BFSP2: variants seen among roughly 807,000 people sequenced by gnomAD.
The protein encoded by BFSP2 is phakinin.
Under a neutral mutation model 44.9 loss-of-function variants are expected in BFSP2, and 38 were observed. The observed-to-expected ratio is 0.85, with a 90% CI of 0.65 to 1.11. BFSP2 has a LOEUF of 1.11. BFSP2 is among the 50% of genes least tolerant of loss of function. The pLI, the probability that BFSP2 is intolerant of heterozygous loss-of-function variation, is 0.00. For synonymous variants in BFSP2, 197 were observed against 209.9 expected (o/e 0.94, Z 0.53); for missense variants, 525 against 533.0 (o/e 0.99, Z 0.15).
intron 2 of BFSP2, among the ~76,000 whole-genome samples, chr3:133,447,683 C>A (rs1261257013): frequency 2.0e-5 from 3 of 152,178 alleles, no homozygotes; most frequent in Admixed American, 2.0e-4. Flanking sequence ...GATTGCTGCG[C>A]CCCACCCTGT....
chr3:133,429,913 A>C, intron 1 of BFSP2, among the ~76,000 whole-genome samples: 1 of 149,652 alleles, frequency 6.7e-6, no homozygotes, highest in East Asian at 1.9e-4. Context: ...CACTACCCCC[A>C]CCCCACAACA....
chr3:133,402,643 C>CTT (rs1316696114), intron 1 of BFSP2, among the ~76,000 whole-genome samples: 25 of 140,486 alleles, frequency 1.8e-4, no homozygotes, highest in African/African-American at 3.1e-4. Flanking sequence ...GTTATTATTT[C>CTT]TTTTTTTTTT....
chr3:133,462,822 A>G (rs2074076167), intron 4 of BFSP2, among the ~76,000 whole-genome samples: 2 of 152,210 alleles, frequency 1.3e-5, no homozygotes, highest in South Asian at 4.1e-4. Flanking sequence ...AAATCAGACT[A>G]CAAAAAATGC....
intron 4 of BFSP2, among the ~76,000 whole-genome samples, chr3:133,465,005 T>TTC (rs2074097302): frequency 6.6e-6 from 1 of 150,616 alleles, no homozygotes; most frequent in Non-Finnish European, 1.5e-5. Flanking sequence ...GGGTTTCTTT[T>TTC]TTTTTTTTTT....
intron 4 of BFSP2, among the ~76,000 whole-genome samples, chr3:133,459,647 T>C (rs949180289): frequency 2.6e-5 from 4 of 152,230 alleles, no homozygotes; most frequent in Admixed American, 2.6e-4. Flanking sequence ...TGCACTTCTT[T>C]TTAATCCCCG....
chr3:133,400,206 C>T lies in BFSP2; in HGVS notation c.123C>T (p.Ala41=), dbSNP rs2073349974. The change falls in exon 1 of 7, where the codon GCC becomes GCT. Residue 41 remains alanine (A), a synonymous_variant. Coordinates refer to ENST00000302334, the MANE Select transcript of BFSP2 (RefSeq NM_003571.4). The surrounding 1 kb of genome is among the most constrained non-coding windows in gnomAD (Gnocchi z 4.0). ...CATCCTCCCTGGAGAGCCCCCCAGC[C>T]TCCAGGACCAATGCCATGAGTGGCC... is the stretch of plus-strand genomic sequence containing the variant. ...RSSSSLESPP[A]SRTNAMSGLV... 1 of 1,614,086 alleles carries T rather than the reference C, an allele frequency of 6.2e-7. No individual in the cohort carries two copies. Among genetic ancestry groups the T allele is most frequent in the Non-Finnish European group, 8.5e-7 (1 of 1,180,010 alleles).
intron 1 of BFSP2, among the ~76,000 whole-genome samples, chr3:133,402,491 T>C (rs1218994248): frequency 2.0e-5 from 3 of 152,140 alleles, no homozygotes; most frequent in Non-Finnish European, 4.4e-5. Context: ...ACCTCTGTAG[T>C]TGAGGGTCAG....
At chr3:133,447,021 G>A (rs1214302434) in intron 1 of BFSP2, among the ~76,000 whole-genome samples, 1 of 152,064 alleles carries the variant, frequency 6.6e-6, no homozygotes, top group Admixed American at 6.5e-5. Flanking sequence ...CTGGAGAGAT[G>A]AAAGCTTGTC....
At chr3:133,425,763 A>G (rs1259642944) in intron 1 of BFSP2, among the ~76,000 whole-genome samples, 1 of 65,378 alleles carries the variant, frequency 1.5e-5, no homozygotes, top group Admixed American at 1.5e-4. Flanking sequence ...GGACAAAGGG[A>G]TGGGAAAGGG....
chr3:133,475,126 C>T lies in BFSP2; in HGVS notation c.*154C>T. 2.8e-6 allele frequency: 3 copies of T among 1,061,512 alleles called. No homozygotes were observed. Among genetic ancestry groups the T allele is most frequent in the Non-Finnish European group, 4.3e-6 (3 of 690,480 alleles). 65.8% of individuals were successfully genotyped at this position (1,061,512 alleles called of 1,614,324 possible). ...AAAGCTTCCTGGAAGTGGAGAGGAT[C>T]CTTCTGCTTTAATCTGAGTAGTCTG... On this transcript the variant is annotated 3_prime_UTR_variant, in exon 7 of 7. Transcript: ENST00000302334.
intron 1 of BFSP2, among the ~76,000 whole-genome samples, chr3:133,438,919 C>T (rs1420366034): frequency 6.6e-6 from 1 of 151,994 alleles, no homozygotes; most frequent in Non-Finnish European, 1.5e-5. Flanking sequence ...TTGAAATTTC[C>T]CATAGTTAAA....
chr3:133,406,401 G>A lies in BFSP2; in HGVS notation c.489+5829G>A, dbSNP rs897255621. On this transcript the variant is annotated intron_variant, in intron 1 of 6. Coordinates refer to ENST00000302334, the MANE Select transcript of BFSP2 (RefSeq NM_003571.4). ...CATGCCCCTCTCATACACCACACTC[G>A]GCCACTCTTAAACCTCTTAAGATCT... is the stretch of plus-strand genomic sequence containing the variant. 5.3e-5 allele frequency among the ~76,000 whole-genome samples: 8 copies of A among 152,140 alleles called. No homozygotes were observed. The East Asian group carries it at 7.7e-4, about 15-fold the overall frequency.
chr3:133,408,234 C>A (rs993202176), intron 1 of BFSP2, among the ~76,000 whole-genome samples: 9 of 152,040 alleles, frequency 5.9e-5, no homozygotes, highest in African/African-American at 2.2e-4. Context: ...ACAGTTGACA[C>A]AAAAAATAGA....
At chr3:133,430,174 G>C (rs1173537674) in intron 1 of BFSP2, among the ~76,000 whole-genome samples, 1 of 152,028 alleles carries the variant, frequency 6.6e-6, no homozygotes, top group Non-Finnish European at 1.5e-5. Context: ...ATTTGGGTTG[G>C]TTCCAAGTCT....
At chr3:133,441,207 TG>T (rs1361547484) in intron 1 of BFSP2, among the ~76,000 whole-genome samples, 1 of 152,104 alleles carries the variant, frequency 6.6e-6, no homozygotes, top group Non-Finnish European at 1.5e-5. Flanking sequence ...GGCTAATTTT[TG>T]TATTTTTAGT....
intron 1 of BFSP2, among the ~76,000 whole-genome samples, chr3:133,409,514 C>T (rs147889237): frequency 1.3e-5 from 2 of 152,274 alleles, no homozygotes; most frequent in African/African-American, 4.8e-5. Flanking sequence ...TTTTTAGCCT[C>T]AGATTTGGGT....
In BFSP2 at chr3:133,440,241, CAATT is replaced by C. The variant is rs1170139654; in HGVS notation, c.490-7074_490-7071del. ...AACCTACCCCCATGATTCAATGATTCAATTATCTCCCACCAGGTCCCTCCCACAA... is the reference window on the plus strand; with the variant it reads ...AACCTACCCCCATGATTCAATGATTCATCTCCCACCAGGTCCCTCCCACAA... On this transcript the variant is annotated intron_variant, in intron 1 of 6. Transcript: ENST00000302334. Among the ~76,000 whole-genome samples the C allele has an allele frequency of 2.5e-5, 3 of 121,626 alleles. No individual in the cohort carries two copies. The East Asian group carries it at 7.1e-4, about 29-fold the overall frequency. The allele number at this position is 121,626 out of a possible 152,430, so 79.8% of individuals were successfully genotyped here. A position where few individuals can be genotyped will look rare whatever the true frequency, so the allele number is the denominator to read the frequency against.
chr3:133,424,226 T>TGTG lies in BFSP2; in HGVS notation c.490-23091_490-23090insGTG, dbSNP rs1313449511. 4.5e-3 allele frequency among the ~76,000 whole-genome samples: 576 copies of TGTG among 129,006 alleles called. 10 individuals carry two copies. The highest frequency in any genetic ancestry group is 0.014 in the South Asian group (60 of 4,418). 84.6% of individuals were successfully genotyped at this position (129,006 alleles called of 152,430 possible). A position where few individuals can be genotyped will look rare whatever the true frequency, so the allele number is the denominator to read the frequency against. On this transcript the variant is annotated intron_variant, in intron 1 of 6. Coordinates refer to ENST00000302334, the MANE Select transcript of BFSP2 (RefSeq NM_003571.4). ...GCGTCCAGCTAATTTTTTTTTTTTT[T>TGTG]TTTTTTTTTTTTTTTGTATTTTTAG...
chr3:133,448,120 G>A (rs2073920683), intron 2 of BFSP2, among the ~76,000 whole-genome samples: 2 of 152,226 alleles, frequency 1.3e-5, no homozygotes, highest in Admixed American at 1.3e-4. Flanking sequence ...CTGGTGCTTA[G>A]CAGGTTGTCA....
Sources: gnomAD v4.1 joint callset for allele counts (sites outside exome capture counted in the v4.1 genomes callset) on GRCh38, gnomAD v4.1.1 for gene constraint, Gnocchi (gnomAD v3.1) non-coding constraint, MANE v1.5 for transcripts, NCBI Gene and HGNC (gene_info 2026-07-23, HGNC 2026-07-21) for gene names.